GPR158: variants seen among roughly 807,000 people sequenced by gnomAD.
GPR158 encodes the protein G protein-coupled receptor 158.
GPR158 carries 30 observed loss-of-function variants against 78.2 expected under a neutral mutation model. The ratio of observed to expected loss-of-function variants is 0.38; its 90% CI spans 0.29 to 0.52. The LOEUF is 0.52. Among genes scored for constraint, GPR158 ranks in the 20% least tolerant of loss-of-function variants. The pLI is 0.83. For missense variants in GPR158, 1,463 were observed against 1,523.5 expected (o/e 0.96, Z 0.66); for synonymous variants, 581 against 591.1 (o/e 0.98, Z 0.25).
chr10:25,371,632 C>A (rs1833995026), intron 2 of GPR158, among the ~76,000 whole-genome samples: 1 of 140,170 alleles, frequency 7.1e-6, no homozygotes, highest in African/African-American at 2.6e-5. Flanking sequence ...ATAAATGGCG[C>A]TGGGAAAACT....
rs11014581 is a variant in GPR158, at chr10:25,502,581, G to T, written c.1404+35862G>T. ...CTGGGTAATGAAGCACCAAACAGTC[G>T]GTAGGTTTTTCAGTATGGGGGACTA... On this transcript the variant is annotated intron_variant, in intron 5 of 10. Coordinates refer to ENST00000376351, the MANE Select transcript of GPR158 (RefSeq NM_020752.3). Among the ~76,000 whole-genome samples the T allele has an allele frequency of 0.045, 6,835 of 150,862 alleles. 649 individuals carry two copies. The East Asian group carries it at 0.47, about 10-fold the overall frequency.
intron 4 of GPR158, among the ~76,000 whole-genome samples, chr10:25,446,254 T>C (rs1241515321): frequency 1.3e-5 from 2 of 152,184 alleles, no homozygotes; most frequent in African/African-American, 4.8e-5. Context: ...AGAGAACTAG[T>C]GCAGAGATGC....
chr10:25,309,358 A>G (rs1236290618), intron 2 of GPR158, among the ~76,000 whole-genome samples: 2 of 151,862 alleles, frequency 1.3e-5, no homozygotes, highest in Non-Finnish European at 2.9e-5. Flanking sequence ...TATCTTCTTT[A>G]GCAAAATATC....
intron 2 of GPR158, among the ~76,000 whole-genome samples, chr10:25,249,480 C>T (rs1018462388): frequency 5.2e-4 from 79 of 151,754 alleles, no homozygotes; most frequent in African/African-American, 1.6e-3. Flanking sequence ...TTTTGAAATA[C>T]GTCCCATCAA....
At chr10:25,375,897 A>T (rs1341743237) in intron 2 of GPR158, among the ~76,000 whole-genome samples, 2 of 151,630 alleles carry the variant, frequency 1.3e-5, no homozygotes, top group Non-Finnish European at 3.0e-5. Context: ...ATGTAAGTTA[A>T]TAAGGTTCCT....
chr10:25,526,925 T>C (rs1836355511), intron 5 of GPR158, among the ~76,000 whole-genome samples: 1 of 152,106 alleles, frequency 6.6e-6, no homozygotes, highest in South Asian at 2.1e-4. Context: ...TGCTGTACAA[T>C]GTATAGATAA....
chr10:25,281,077 G>A (rs1421486255), intron 2 of GPR158, among the ~76,000 whole-genome samples: 1 of 150,794 alleles, frequency 6.6e-6, no homozygotes, highest in Admixed American at 6.6e-5. Context: ...GGAGGTTGCA[G>A]TGAGCCAAGA....
rs138160269 is a variant in GPR158 at position 25,510,239 on chromosome 10, T to G, written c.1405-40737T>G. ...GAATTCTGTTGGTAATGAAGAAGAA[T>G]AATTTTGTTCAGATAGACAACCAAG... On this transcript the variant is annotated intron_variant, in intron 5 of 10. Coordinates refer to ENST00000376351, the MANE Select transcript of GPR158 (RefSeq NM_020752.3). 2.5e-3 allele frequency among the ~76,000 whole-genome samples: 380 copies of G among 152,292 alleles called. 4 individuals carry two copies. The highest frequency in any genetic ancestry group is 8.7e-3 in the African/African-American group (362 of 41,564).
Position 25,517,527 on chromosome 10 carries a change from T to G in GPR158, c.1405-33449T>G, listed in dbSNP as rs185797455. 4.2e-3 allele frequency among the ~76,000 whole-genome samples: 632 copies of G among 152,180 alleles called. 2 individuals carry two copies. The highest frequency in any genetic ancestry group is 0.014 in the African/African-American group (593 of 41,426). On this transcript the variant is annotated intron_variant, in intron 5 of 10. Coordinates refer to ENST00000376351, the MANE Select transcript of GPR158 (RefSeq NM_020752.3). ...GTGGGTTTGTCATAGACAGCTCTTA[T>G]TATTTTGAAATACGTCCCATCAATA...
At chr10:25,326,132 G>T (rs1588800606) in intron 2 of GPR158, among the ~76,000 whole-genome samples, 1 of 152,096 alleles carries the variant, frequency 6.6e-6, no homozygotes, top group South Asian at 2.1e-4. Context: ...AGTGTGAGTT[G>T]TTCCTGCCCA....
intron 5 of GPR158, among the ~76,000 whole-genome samples, chr10:25,474,596 C>T (rs991159162): frequency 1.3e-5 from 2 of 152,106 alleles, no homozygotes; most frequent in Non-Finnish European, 2.9e-5. Context: ...TTTGTAATTA[C>T]GCATTCAAAA....
At chr10:25,329,854 G>A (rs749166862) in intron 2 of GPR158, among the ~76,000 whole-genome samples, 6 of 152,096 alleles carry the variant, frequency 3.9e-5, no homozygotes, top group Non-Finnish European at 8.8e-5. Flanking sequence ...TACTTGCAGT[G>A]AGTCAAGACC....
chr10:25,451,858 C>G (rs1225118328), intron 4 of GPR158, among the ~76,000 whole-genome samples: 2 of 152,102 alleles, frequency 1.3e-5, no homozygotes, highest in Non-Finnish European at 1.5e-5. Context: ...TTATTACTAA[C>G]ATTTTGTTAG....
intron 2 of GPR158, among the ~76,000 whole-genome samples, chr10:25,334,332 C>T (rs1295580117): frequency 6.6e-6 from 1 of 152,056 alleles, no homozygotes; most frequent in Non-Finnish European, 1.5e-5. Flanking sequence ...ATTAAAATAA[C>T]TCCAAATGGA....
intron 6 of GPR158, among the ~76,000 whole-genome samples, chr10:25,563,723 CTCTTT>C (rs1017645657): frequency 7.2e-5 from 11 of 152,046 alleles, no homozygotes; most frequent in Non-Finnish European, 1.2e-4. Context: ...TTTTATGCTC[CTCTTT>C]TATGTTTTTA....
intron 2 of GPR158, among the ~76,000 whole-genome samples, chr10:25,301,963 G>T (rs1245794523): frequency 6.6e-6 from 1 of 151,852 alleles, no homozygotes; most frequent in African/African-American, 2.4e-5. Flanking sequence ...AGAATTTCAT[G>T]TAAGTAGAAT....
chr10:25,510,884 T>G (rs78964949), intron 5 of GPR158, among the ~76,000 whole-genome samples: 1 of 152,218 alleles, frequency 6.6e-6, no homozygotes, highest in African/African-American at 2.4e-5. Flanking sequence ...ATTTTGTTCC[T>G]TGTTATGGCT....
At chr10:25,317,827 C>G (rs1588795873) in intron 2 of GPR158, among the ~76,000 whole-genome samples, 1 of 151,502 alleles carries the variant, frequency 6.6e-6, no homozygotes, top group African/African-American at 2.4e-5. Flanking sequence ...CTCCTAGGTT[C>G]AAGCGATTCT....
chr10:25,532,630 A>T (rs1335209), intron 5 of GPR158, among the ~76,000 whole-genome samples: 79,799 of 151,664 alleles, frequency 0.53, 21,754 homozygotes, highest in African/African-American at 0.68. Context: ...AGTGTGTAGA[A>T]AACACCCTCC....
Sources: allele counts gnomAD v4.1 joint callset (sites outside exome capture counted in the v4.1 genomes callset), GRCh38; gene constraint gnomAD v4.1.1; transcripts MANE v1.5; gene names NCBI Gene and HGNC (gene_info 2026-07-23, HGNC 2026-07-21).